MRPS28: variants seen among roughly 807,000 people sequenced by gnomAD.
MRPS28 encodes mitochondrial ribosomal protein S28.
In MRPS28, 7 loss-of-function variants were observed where a neutral mutation model predicts 10.8. That is an observed-to-expected ratio of 0.65 (90% CI 0.37 to 1.22). MRPS28 has a LOEUF of 1.22. Among genes scored for constraint, MRPS28 ranks in the 50% most tolerant of loss-of-function variants. The probability of loss-of-function intolerance (pLI) is 0.02; values close to 1 mark genes in which losing one functional copy is unlikely to be tolerated. For synonymous variants in MRPS28, 121 were observed against 93.3 expected, an observed-to-expected ratio of 1.30 and a Z score of -1.71; for missense variants, 265 against 232.9, an observed-to-expected ratio of 1.14 and a Z score of -0.90.
intron 2 of MRPS28, among the ~76,000 whole-genome samples, chr8:79,999,672 G>C (rs534703957): frequency 6.6e-6 from 1 of 152,166 alleles, no homozygotes; most frequent in Non-Finnish European, 1.5e-5. Flanking sequence ...TAAAGAGCTG[G>C]AGTTGTTATC....
At chr8:79,922,526 G>C (rs184023099) in intron 2 of MRPS28, among the ~76,000 whole-genome samples, 2 of 152,168 alleles carry the variant, frequency 1.3e-5, no homozygotes, top group Admixed American at 6.6e-5. Flanking sequence ...AAATTAGCTC[G>C]ATTTGGCTAT....
At chr8:79,989,938 G>A (rs564973838) in intron 2 of MRPS28, among the ~76,000 whole-genome samples, 62 of 152,274 alleles carry the variant, frequency 4.1e-4, no homozygotes, top group African/African-American at 1.4e-3. Context: ...TGGATCACCT[G>A]AGCTCAAGAG....
chr8:79,931,605 G>T (rs1399829636), intron 2 of MRPS28, among the ~76,000 whole-genome samples: 1 of 152,162 alleles, frequency 6.6e-6, no homozygotes, highest in Non-Finnish European at 1.5e-5. Flanking sequence ...AGGATGGCTG[G>T]GAAGATTGTA....
At chr8:79,922,500 G>A (rs1182282901) in intron 2 of MRPS28, among the ~76,000 whole-genome samples, 1 of 152,146 alleles carries the variant, frequency 6.6e-6, no homozygotes, top group East Asian at 1.9e-4. Flanking sequence ...TTAAGTACAT[G>A]AGGTAATGCA....
At chr8:79,944,752 G>A (rs1332390092) in intron 2 of MRPS28, among the ~76,000 whole-genome samples, 2 of 147,888 alleles carry the variant, frequency 1.4e-5, no homozygotes, top group Admixed American at 6.8e-5. Context: ...CTGGAGTGCA[G>A]TGGCACAATC....
At chr8:79,934,189 G>C (rs1192024336) in intron 2 of MRPS28, among the ~76,000 whole-genome samples, 1 of 152,102 alleles carries the variant, frequency 6.6e-6, no homozygotes, top group African/African-American at 2.4e-5. Flanking sequence ...TCAATTCCTC[G>C]TAACCAGGTT....
At chr8:79,994,926 C>T (rs1163875961) in intron 2 of MRPS28, among the ~76,000 whole-genome samples, 3 of 152,266 alleles carry the variant, frequency 2.0e-5, no homozygotes, top group Non-Finnish European at 4.4e-5. Flanking sequence ...AAGTGCTGCT[C>T]CTTCACCCAG....
At chr8:79,934,819 A>G (rs1230858407) in intron 2 of MRPS28, among the ~76,000 whole-genome samples, 1 of 152,258 alleles carries the variant, frequency 6.6e-6, no homozygotes, top group East Asian at 1.9e-4. Context: ...AAACAACCTG[A>G]TTAAAATATT....
chr8:80,008,656 A>G (rs1472754315), intron 1 of MRPS28, among the ~76,000 whole-genome samples: 1 of 152,276 alleles, frequency 6.6e-6, no homozygotes, highest in Non-Finnish European at 1.5e-5. Context: ...TTATGCAACC[A>G]AAAGACACAT....
chr8:79,932,832 A>G (rs1159959902), intron 2 of MRPS28, among the ~76,000 whole-genome samples: 2 of 152,156 alleles, frequency 1.3e-5, no homozygotes, highest in African/African-American at 4.8e-5. Context: ...CTTGGTCAGA[A>G]TTCACTCAGG....
intron 1 of MRPS28, among the ~76,000 whole-genome samples, chr8:80,017,382 CAA>C (rs371748504): frequency 7.6e-4 from 115 of 151,564 alleles, no homozygotes; most frequent in African/African-American, 2.6e-3. Context: ...CTAAGAAAAA[CAA>C]AAAGAGAGGA....
chr8:79,960,555 A>AGTGTATG (rs1290805581), intron 2 of MRPS28, among the ~76,000 whole-genome samples: 2 of 152,164 alleles, frequency 1.3e-5, no homozygotes, highest in African/African-American at 4.8e-5. Context: ...ACTTAATACC[A>AGTGTATG]GTGTATGTAC....
chr8:79,954,765 C>A (rs1461009633), intron 2 of MRPS28, among the ~76,000 whole-genome samples: 3 of 152,158 alleles, frequency 2.0e-5, no homozygotes, highest in Non-Finnish European at 4.4e-5. Flanking sequence ...CAAAGCCACA[C>A]CTACAAATCT....
chr8:80,012,377 C>T (rs2130199383), intron 1 of MRPS28, among the ~76,000 whole-genome samples: 1 of 152,308 alleles, frequency 6.6e-6, no homozygotes, highest in African/African-American at 2.4e-5. Flanking sequence ...CCAAAATGTA[C>T]TCATTTACTT....
intron 2 of MRPS28, among the ~76,000 whole-genome samples, chr8:79,952,171 A>G (rs949860155): frequency 6.6e-6 from 1 of 152,222 alleles, no homozygotes; most frequent in African/African-American, 2.4e-5. Context: ...TTTAAATCAA[A>G]TCATTTAAAA....
At chr8:79,933,843 G>C (rs1248608608) in intron 2 of MRPS28, among the ~76,000 whole-genome samples, 1 of 152,168 alleles carries the variant, frequency 6.6e-6, no homozygotes, top group Admixed American at 6.5e-5. Context: ...TGAAAAAGGT[G>C]TTCCTTTGAC....
At chr8:79,969,543 T>G (rs558972203) in intron 2 of MRPS28, among the ~76,000 whole-genome samples, 1 of 152,144 alleles carries the variant, frequency 6.6e-6, no homozygotes, top group East Asian at 1.9e-4. Context: ...ATAAAAACTT[T>G]TTATAAATCC....
At chr8:79,991,537 G>C (rs1336830836) in intron 2 of MRPS28, among the ~76,000 whole-genome samples, 1 of 152,110 alleles carries the variant, frequency 6.6e-6, no homozygotes, top group Non-Finnish European at 1.5e-5. Context: ...AAAAATAAAG[G>C]TTACCTTGGA....
At chr8:79,957,486 G>C (rs1215222592) in intron 2 of MRPS28, 1 of 149,096 alleles carries the variant, frequency 6.7e-6, no homozygotes, top group South Asian at 2.1e-4. Context: ...GAAGGGGGTG[G>C]TTCACTGGAG....
Sources: allele counts gnomAD v4.1 joint callset (sites outside exome capture counted in the v4.1 genomes callset), GRCh38; gene constraint gnomAD v4.1.1; transcripts MANE v1.5; gene names NCBI Gene and HGNC (gene_info 2026-07-23, HGNC 2026-07-21).